Variants in SYNPO2 observed in about 807,000 individuals in gnomAD.
SYNPO2 encodes synaptopodin 2.
Under a neutral mutation model 85.0 loss-of-function variants are expected in SYNPO2, and 56 were observed. That is an observed-to-expected ratio of 0.66 (90% CI 0.53 to 0.82). The LOEUF is 0.82. SYNPO2 is among the 40% of genes least tolerant of loss of function. The pLI is 0.00. For missense variants in SYNPO2, 1,575 were observed against 1,534.2 expected (o/e 1.03, Z -0.44); for synonymous variants, 602 against 591.1 (o/e 1.02, Z -0.27).
upstream of SYNPO2, among the ~76,000 whole-genome samples, chr4:118,886,473 A>C (rs969702677): frequency 6.6e-6 from 1 of 151,764 alleles, no homozygotes; most frequent in Non-Finnish European, 1.5e-5. Flanking sequence ...TCATTGTTCA[A>C]CTCCCACTTA....
intron 1 of SYNPO2, among the ~76,000 whole-genome samples, chr4:119,019,969 C>T (rs901473135): frequency 1.3e-5 from 2 of 152,098 alleles, no homozygotes; most frequent in African/African-American, 4.8e-5. Flanking sequence ...CTTTCATTTT[C>T]ACAAATAAGA....
intron 1 of SYNPO2, among the ~76,000 whole-genome samples, chr4:118,953,788 A>T (rs1269600823): frequency 6.6e-6 from 1 of 152,204 alleles, no homozygotes; most frequent in Non-Finnish European, 1.5e-5. Context: ...GAAGCTCATA[A>T]GCCAGCATAA....
chr4:118,864,226 G>T (rs2114461), intron 1 of SYNPO2, among the ~76,000 whole-genome samples: 59,395 of 152,020 alleles, frequency 0.39, 13,821 homozygotes, highest in Admixed American at 0.57. Flanking sequence ...AATTTTTCAG[G>T]AGAGCATTGT....
At chr4:118,999,277 T>C (rs1018657151) in intron 1 of SYNPO2, among the ~76,000 whole-genome samples, 1 of 152,028 alleles carries the variant, frequency 6.6e-6, no homozygotes, top group Non-Finnish European at 1.5e-5. Context: ...GCCTCCCAAA[T>C]AGCTCAGACT....
chr4:119,057,976 A>G lies in SYNPO2; in HGVS notation c.*42A>G. 1 of 1,558,536 alleles carries G rather than the reference A, an allele frequency of 6.4e-7. No homozygotes were observed. The highest frequency in any genetic ancestry group is 1.2e-5 in the South Asian group (1 of 80,966). On this transcript the variant is annotated 3_prime_UTR_variant, in exon 5 of 5. Transcript: ENST00000307142. Reference sequence around the variant, plus strand: ...TCATGTGCCAACTGTAGTTTTTTAAAAAAAACGCTCCTTTGTAGGGTTTTA... The same window carrying G: ...TCATGTGCCAACTGTAGTTTTTTAAGAAAAACGCTCCTTTGTAGGGTTTTA...
At chr4:118,986,261 A>G (rs1048277189) in intron 1 of SYNPO2, among the ~76,000 whole-genome samples, 2 of 152,120 alleles carry the variant, frequency 1.3e-5, no homozygotes, top group Non-Finnish European at 2.9e-5. Flanking sequence ...CTATACTTAC[A>G]TTTTCATTTA....
Position 119,027,018 on chromosome 4 carries a change from G to T in SYNPO2, c.649G>T (p.Ala217Ser). The change falls in exon 3 of 5, where the codon GCT becomes TCT. Residue 217 changes from alanine to serine, a missense_variant. Physicochemically the swap from Ala to Ser is moderately conservative, Grantham distance 99 (BLOSUM62 1). This residue lies in a region of SYNPO2 where 1,508 missense variants were observed against 1,446.8 expected (regional missense o/e 1.04). Transcript: ENST00000307142. The part of the protein sequence containing the change: ...RHKGASGPLV[A>S]LPGAEKSKSP... ...TAAGGGCGCTAGTGGCCCTTTAGTG[G>T]CTCTCCCGGGAGCTGAAAAATCTAA... 1 of 1,614,068 alleles carries T rather than the reference G, an allele frequency of 6.2e-7. No homozygotes were observed. The highest frequency in any genetic ancestry group is 8.5e-7 in the Non-Finnish European group (1 of 1,180,008).
intron 1 of SYNPO2, among the ~76,000 whole-genome samples, chr4:118,957,978 T>C (rs1407599067): frequency 1.3e-5 from 2 of 152,140 alleles, no homozygotes; most frequent in African/African-American, 4.8e-5. Context: ...CCCCCTCCAC[T>C]TATGTGGAGA....
chr4:118,946,096 CAT>C (rs1165721157), intron 1 of SYNPO2, among the ~76,000 whole-genome samples: 1 of 151,930 alleles, frequency 6.6e-6, no homozygotes, highest in African/African-American at 2.4e-5. Flanking sequence ...AGCAAGATGA[CAT>C]AAGTGTAGGG....
intron 1 of SYNPO2, among the ~76,000 whole-genome samples, chr4:118,877,161 T>C (rs1381931457): frequency 1.3e-5 from 2 of 152,106 alleles, no homozygotes; most frequent in African/African-American, 4.8e-5. Flanking sequence ...TAAATGTGTT[T>C]TCAGTTTGCT....
chr4:118,979,492 T>C (rs1735925671), intron 1 of SYNPO2, among the ~76,000 whole-genome samples: 1 of 152,232 alleles, frequency 6.6e-6, no homozygotes, highest in South Asian at 2.1e-4. Flanking sequence ...ATTGGCTGCC[T>C]TATTTTCTAG....
At chr4:119,014,004 CT>C (rs1376356174) in intron 1 of SYNPO2, among the ~76,000 whole-genome samples, 4 of 152,188 alleles carry the variant, frequency 2.6e-5, no homozygotes, top group Admixed American at 2.0e-4. Flanking sequence ...TGTACTCCTC[CT>C]TTTCCAACTA....
At chr4:118,958,275 T>C (rs1734950115) in intron 1 of SYNPO2, among the ~76,000 whole-genome samples, 1 of 152,128 alleles carries the variant, frequency 6.6e-6, no homozygotes, top group Non-Finnish European at 1.5e-5. Flanking sequence ...TGCGTGTATG[T>C]TGGGGTTGGG....
rs148033252 is a variant in SYNPO2, at chr4:118,966,959, A to C, written c.106-56471A>C. ...AGGAACTGTACCTCACAGTAAGTAC[A>C]TCTTTTTCCTCTTTATCCAGTTACT... On this transcript the variant is annotated intron_variant, in intron 1 of 4. Coordinates refer to ENST00000307142, the MANE Select transcript of SYNPO2 (RefSeq NM_133477.3). Among the ~76,000 whole-genome samples the C allele has an allele frequency of 5.7e-3, 865 of 152,344 alleles. 8 individuals carry two copies. The highest frequency in any genetic ancestry group is 0.02 in the African/African-American group (819 of 41,572).
intron 1 of SYNPO2, among the ~76,000 whole-genome samples, chr4:118,878,891 T>C (rs993536127): frequency 7.2e-5 from 11 of 152,240 alleles, no homozygotes; most frequent in Admixed American, 2.6e-4. Flanking sequence ...GTGGATGTTT[T>C]GTTCTTTCTC....
At position 119,029,886 on chromosome 4, in the gene SYNPO2, G is replaced by A; in HGVS notation, c.1111G>A (p.Glu371Lys). The A allele has an allele frequency of 6.2e-7, 1 of 1,603,180 alleles. No homozygotes were observed. The highest frequency in any genetic ancestry group is 1.1e-5 in the South Asian group (1 of 90,364). Reference sequence around the variant, plus strand: ...AAGCCTGTCAGAAAAACAAGTGAAGGAAGCAAAATCTAAATGCAAAAGCAT... The same window carrying A: ...AAGCCTGTCAGAAAAACAAGTGAAGAAAGCAAAATCTAAATGCAAAAGCAT... Reference protein sequence around the residue: ...SESLSEKQVKEAKSKCKSIAL... With the variant: ...SESLSEKQVKKAKSKCKSIAL... The change falls in exon 4 of 5, where the codon GAA becomes AAA. Residue 371 changes from glutamate to lysine, a missense_variant. Glu to Lys is a moderately conservative substitution (Grantham distance 56). This residue lies in a region of SYNPO2 where 1,508 missense variants were observed against 1,446.8 expected (regional missense o/e 1.04). Transcript: ENST00000307142.
intron 1 of SYNPO2, among the ~76,000 whole-genome samples, chr4:118,908,621 G>A (rs1017733926): frequency 2.6e-5 from 4 of 151,972 alleles, no homozygotes; most frequent in African/African-American, 4.8e-5. Flanking sequence ...TATCAAGACA[G>A]GATAAATCAA....
chr4:118,901,761 T>TC (rs1732764832), intron 1 of SYNPO2, among the ~76,000 whole-genome samples: 1 of 152,070 alleles, frequency 6.6e-6, no homozygotes, highest in African/African-American at 2.4e-5. Context: ...GGGAGGTGGG[T>TC]CCCCTTTTTG....
chr4:118,886,424 C>A (rs1398064012), upstream of SYNPO2, among the ~76,000 whole-genome samples: 2 of 152,124 alleles, frequency 1.3e-5, no homozygotes, highest in Non-Finnish European at 2.9e-5. Flanking sequence ...TCCGACAGGC[C>A]TCAGTGTGTG....
Sources: gnomAD v4.1 joint callset for allele counts (sites outside exome capture counted in the v4.1 genomes callset) on GRCh38, gnomAD v4.1.1 for gene constraint, gnomAD v4.1.1 regional missense constraint, MANE v1.5 for transcripts, NCBI Gene and HGNC (gene_info 2026-07-23, HGNC 2026-07-21) for gene names.